Variants in MYH7B observed in about 807,000 individuals in gnomAD.
MYH7B encodes the protein myosin heavy chain 7B.
In MYH7B, 205 loss-of-function variants were observed where a neutral mutation model predicts 234.5. The observed-to-expected ratio is 0.87, with a 90% confidence interval of 0.78 to 0.98. The LOEUF (loss-of-function observed/expected upper bound fraction) is 0.98, where lower values mean the gene tolerates loss of function less well. Ranked by LOEUF, MYH7B falls within the 50% of genes least tolerant of loss-of-function variation. The pLI, the probability that MYH7B is intolerant of heterozygous loss-of-function variation, is 0.00. For synonymous variants in MYH7B, 1,193 were observed against 1,105.0 expected, an observed-to-expected ratio of 1.08 and a Z score of -1.58; for missense variants, 2,652 against 2,633.4, an observed-to-expected ratio of 1.01 and a Z score of -0.15.
chr20:34,997,615 A>G, exon 32 of MYH7B: 1 of 1,613,604 alleles, frequency 6.2e-7, no homozygotes. Flanking sequence ...CTGGCTGCCA[A>G]CGTGGAGACT....
chr20:34,965,963 A>G (rs2081737770), intron 2 of MYH7B, among the ~76,000 whole-genome samples: 1 of 152,196 alleles, frequency 6.6e-6, no homozygotes, highest in Non-Finnish European at 1.5e-5. Flanking sequence ...ATATAGGTCT[A>G]TAGCCAACAT....
chr20:34,994,105 C>A, intron 26 of MYH7B, 41 bp from the exon 27 acceptor site: 1 of 1,600,220 alleles, frequency 6.2e-7, no homozygotes, highest in Non-Finnish European at 8.5e-7. Context: ...TTGTGACGGG[C>A]AGCACTGAGC....
chr20:34,966,282 A>G (rs1055920272), intron 2 of MYH7B, among the ~76,000 whole-genome samples: 3 of 152,242 alleles, frequency 2.0e-5, no homozygotes, highest in Non-Finnish European at 4.4e-5. Flanking sequence ...GCATCCATAC[A>G]TACCATGAGT....
At chr20:34,998,463 G>A (rs757412921) in intron 33 of MYH7B, 42 bp downstream of exon 33, 2 of 1,612,740 alleles carry the variant, frequency 1.2e-6, no homozygotes, top group South Asian at 2.2e-5. Context: ...CAGGGCTTTG[G>A]TGCAGCCCTC....
intron 7 of MYH7B, chr20:34,980,292 T>C: frequency 2.7e-6 from 1 of 376,662 alleles, no homozygotes; most frequent in Non-Finnish European, 4.9e-6. Context: ...CCCATGCCTG[T>C]AATCCCAGCA....
rs545194217 is a variant in MYH7B, at chr20:34,997,408, G to A, written c.3515G>A (p.Arg1172His). The A allele has an allele frequency of 7.9e-5, 117 of 1,477,898 alleles. No individual in the cohort carries two copies. The African/African-American group carries it at 1.3e-3, about 16-fold the overall frequency. The allele number at this position is 1,477,898 out of a possible 1,614,324, so 91.5% of individuals were successfully genotyped here. A position where few individuals can be genotyped will look rare whatever the true frequency, so the allele number is the denominator to read the frequency against. The change falls in exon 32 of 45, where the codon CGC (arginine) becomes CAC (histidine). Residue 1172 changes from arginine (R) to histidine (H), a missense_variant. By Grantham distance (29) the Arg-to-His change is conservative (BLOSUM62 0). Coordinates refer to ENST00000262873, the Ensembl canonical transcript of MYH7B. ...TCCGCGGGGCAGCGCGAGGGCTGCC[G>A]CAAGCGGGAGGCGGAGCTGGGGAGG...
chr20:34,988,333 ATGGCT>A, intron 19 of MYH7B, 71 bp downstream of exon 19: 1 of 1,508,176 alleles, frequency 6.6e-7, no homozygotes, highest in South Asian at 1.3e-5. Context: ...ATGGATGACC[ATGGCT>A]TGCATGGAAG....
intron 6 of MYH7B, 39 bp downstream of exon 6, chr20:34,979,535 C>T (rs1192013359): frequency 4.4e-6 from 7 of 1,597,638 alleles, no homozygotes; most frequent in African/African-American, 1.3e-5. Flanking sequence ...CTCTCTGTCC[C>T]TAGGCCTCCT....
chr20:34,980,461 C>G, intron 7 of MYH7B, 117 bp from the exon 8 acceptor site: 1 of 892,562 alleles, frequency 1.1e-6, no homozygotes, highest in Non-Finnish European at 1.8e-6. Context: ...GAGGCAGGAC[C>G]CAGGAGGCGG....
At chr20:35,000,183 G>A (rs1208819940) in intron 38 of MYH7B, 110 bp from the exon 39 acceptor site, 16 of 1,307,946 alleles carry the variant, frequency 1.2e-5, no homozygotes, top group Non-Finnish European at 1.7e-5. Flanking sequence ...AAATCGGGGA[G>A]GGGTGACTCA....
chr20:34,982,408 G>A, intron 9 of MYH7B, 51 bp from the exon 10 acceptor site: 1 of 1,532,898 alleles, frequency 6.5e-7, no homozygotes, highest in Non-Finnish European at 9.0e-7. Flanking sequence ...TTGGGGGTGG[G>A]GGAGAATTAG....
At chr20:34,997,320 C>G in exon 32 of MYH7B, 1 of 1,549,572 alleles carries the variant, frequency 6.5e-7, no homozygotes, top group Non-Finnish European at 8.7e-7. Context: ...GGAGAAGCAG[C>G]GTGCAGAGGC....
At chr20:35,002,108 C>T in intron 44 of MYH7B, 23 bp downstream of exon 44, 2 of 1,612,160 alleles carry the variant, frequency 1.2e-6, no homozygotes, top group African/African-American at 1.3e-5. Flanking sequence ...AGGGGCATTG[C>T]TCTCTGTGCA....
exon 25 of MYH7B, chr20:34,993,194 A>T: frequency 6.2e-7 from 1 of 1,613,902 alleles, no homozygotes; most frequent in Non-Finnish European, 8.5e-7. Context: ...CTGGACTTGG[A>T]TCACACCCAG....
In MYH7B at chr20:35,000,281, C is replaced by A; in HGVS notation, c.4782-12C>A. On this transcript the variant is annotated splice_polypyrimidine_tract_variant and intron_variant, in intron 38 of 44. Transcript: ENST00000262873. ...TTACGAGACCCCCTTTCATGCCACC[C>A]TCCTCCCATAGGCGCAACCACCAGC... 1 of 1,556,726 alleles carries A rather than the reference C, an allele frequency of 6.4e-7. No homozygotes were observed. The highest frequency in any genetic ancestry group is 1.4e-5 in the African/African-American group (1 of 73,976).
intron 2 of MYH7B, among the ~76,000 whole-genome samples, chr20:34,967,822 C>T (rs1249744155): frequency 6.6e-6 from 1 of 152,186 alleles, no homozygotes; most frequent in African/African-American, 2.4e-5. Flanking sequence ...GGGGCAAGCC[C>T]ATCCTGAGAC....
chr20:34,968,875 C>T (rs1410985681), intron 2 of MYH7B, among the ~76,000 whole-genome samples: 1 of 152,232 alleles, frequency 6.6e-6, no homozygotes, highest in Admixed American at 6.5e-5. Context: ...GAGGCCAGCA[C>T]ACAAGGGGCT....
intron 27 of MYH7B, among the ~76,000 whole-genome samples, chr20:34,994,939 A>G (rs2082224614): frequency 6.6e-6 from 1 of 152,250 alleles, no homozygotes; most frequent in African/African-American, 2.4e-5. Context: ...GCAGCTGGAC[A>G]GTAAGGAAAT....
At position 34,998,519 on chromosome 20, in the gene MYH7B, A is replaced by G. The variant is rs1165356069; in HGVS notation, c.3883A>G (p.Ser1295Gly). ...CGCCTCTTTGCCTGCAGGGGAGCTG[A>G]GTCGCCTGCTAGAGGAGAAGGAGTG... The change falls in exon 34 of 45, where the codon AGT becomes GGT. Residue 1295 changes from serine (S) to glycine (G), a missense_variant. Physicochemically the swap from Ser to Gly is moderately conservative, Grantham distance 56. Coordinates refer to ENST00000262873, the Ensembl canonical transcript of MYH7B. 1.9e-6 allele frequency: 3 copies of G among 1,613,540 alleles called. No homozygotes were observed. In the East Asian group the frequency reaches 6.7e-5, roughly 36 times the overall value.
Sources: gnomAD v4.1 joint callset for allele counts (sites outside exome capture counted in the v4.1 genomes callset) on GRCh38, gnomAD v4.1.1 for gene constraint, MANE v1.5 for transcripts, NCBI Gene and HGNC (gene_info 2026-07-23, HGNC 2026-07-21) for gene names.